Variants in LMOD1 observed in about 807,000 individuals in gnomAD.
LMOD1 encodes the protein leiomodin 1.
LMOD1 carries 8 observed loss-of-function variants against 36.5 expected under a neutral mutation model. That is an observed-to-expected ratio of 0.22 (90% CI 0.13 to 0.40). The LOEUF is 0.40. LMOD1 is among the 10% of genes least tolerant of loss of function. LMOD1 has a pLI of 1.00. For synonymous variants in LMOD1, 284 were observed against 288.7 expected, an observed-to-expected ratio of 0.98 and a Z score of 0.17; for missense variants, 630 against 751.1, an observed-to-expected ratio of 0.84 and a Z score of 1.88.
intron 1 of LMOD1, among the ~76,000 whole-genome samples, chr1:201,913,125 C>T (rs1169375478): frequency 2.6e-5 from 4 of 152,082 alleles, no homozygotes; most frequent in South Asian, 4.1e-4. Flanking sequence ...TGGGACCAGG[C>T]GGGGGACTGA....
chr1:201,933,828 A>C (rs1307835762), intron 1 of LMOD1, among the ~76,000 whole-genome samples: 2 of 152,236 alleles, frequency 1.3e-5, no homozygotes, highest in African/African-American at 4.8e-5. Flanking sequence ...TTGTCAAGTA[A>C]AAATGAAATA....
At chr1:201,925,070 G>A (rs1681804811) in intron 1 of LMOD1, among the ~76,000 whole-genome samples, 1 of 152,080 alleles carries the variant, frequency 6.6e-6, no homozygotes, top group Admixed American at 6.6e-5. Flanking sequence ...GCAAAAATTA[G>A]CCAGCATGGT....
chr1:201,920,994 G>A (rs1681694877), intron 1 of LMOD1, among the ~76,000 whole-genome samples: 2 of 152,182 alleles, frequency 1.3e-5, no homozygotes, highest in African/African-American at 4.8e-5. Context: ...ACATTTCTAG[G>A]GTACAGTTAA....
At chr1:201,933,039 A>T (rs1681953014) in intron 1 of LMOD1, among the ~76,000 whole-genome samples, 1 of 152,188 alleles carries the variant, frequency 6.6e-6, no homozygotes. Flanking sequence ...ACTGGAAACA[A>T]CCCAAATGTC....
At chr1:201,920,436 T>C (rs1681685185) in intron 1 of LMOD1, among the ~76,000 whole-genome samples, 2 of 152,122 alleles carry the variant, frequency 1.3e-5, no homozygotes, top group Admixed American at 1.3e-4. Flanking sequence ...AACTCCTAAA[T>C]GCAGCTCCCT....
rs774539371 is a variant in LMOD1 at position 201,899,340 on chromosome 1, G to A, written c.1673C>T (p.Thr558Ile). 3.8e-6 allele frequency: 6 copies of A among 1,590,612 alleles called. No individual in the cohort carries two copies. The highest frequency in any genetic ancestry group is 1.7e-5 in the Admixed American group (1 of 59,098). ...ENLKNSLSPA[T>I]QRKMGDKVLP... ...GACTTTGTCTCCCATCTTCCTCTGG[G>A]TAGCTGGTGAGAGTGAATTCTTCAG... The change falls in exon 2 of 3, where the codon ACC (threonine) becomes ATC (isoleucine). Residue 558 changes from threonine to isoleucine, a missense_variant. Thr to Ile is a moderately conservative substitution (Grantham distance 89). This residue lies in a region of LMOD1 where 144 missense variants were observed against 169.8 expected (regional missense o/e 0.85). Transcript: ENST00000367288. This position sits in a 1 kb window ranked among gnomAD's most constrained non-coding sequence, Gnocchi z 6.3.
At chr1:201,940,747 C>A (rs1298291616) in intron 1 of LMOD1, among the ~76,000 whole-genome samples, 1 of 113,794 alleles carries the variant, frequency 8.8e-6, no homozygotes, top group African/African-American at 3.1e-5. Flanking sequence ...CCACGCCCAG[C>A]ATTTTTTTTT....
intron 1 of LMOD1, among the ~76,000 whole-genome samples, chr1:201,913,256 A>G (rs1681544166): frequency 6.6e-6 from 1 of 152,180 alleles, no homozygotes; most frequent in Non-Finnish European, 1.5e-5. Context: ...AACTCCCAGA[A>G]CTGTCCTCTG....
At chr1:201,933,102 C>T (rs543039356) in intron 1 of LMOD1, among the ~76,000 whole-genome samples, 121 of 152,208 alleles carry the variant, frequency 7.9e-4, no homozygotes, top group Middle Eastern at 3.4e-3. Context: ...TAGTAAAATG[C>T]TGCATAGCAA....
At chr1:201,924,644 GAA>G (rs1429647347) in intron 1 of LMOD1, among the ~76,000 whole-genome samples, 2 of 91,304 alleles carry the variant, frequency 2.2e-5, no homozygotes, top group African/African-American at 3.4e-5. Flanking sequence ...AATAAAGAAA[GAA>G]AGAGAGAAAG....
At chr1:201,920,476 G>T (rs575943166) in intron 1 of LMOD1, among the ~76,000 whole-genome samples, 44 of 152,266 alleles carry the variant, frequency 2.9e-4, no homozygotes. Context: ...GGAGACACCG[G>T]TTTTTCCTAT....
chr1:201,912,368 C>T (rs1681508779), intron 1 of LMOD1, among the ~76,000 whole-genome samples: 1 of 152,108 alleles, frequency 6.6e-6, no homozygotes, highest in African/African-American at 2.4e-5. Flanking sequence ...CCCTGACCCC[C>T]AAGCCCTTCT....
chr1:201,924,665 A>AG (rs1553297892), intron 1 of LMOD1, among the ~76,000 whole-genome samples: 1 of 130,192 alleles, frequency 7.7e-6, no homozygotes, highest in Non-Finnish European at 1.6e-5. Flanking sequence ...AGAAAGAAAA[A>AG]AAAGAAAGAA....
chr1:201,931,811 A>G (rs1681927998), intron 1 of LMOD1, among the ~76,000 whole-genome samples: 1 of 151,150 alleles, frequency 6.6e-6, no homozygotes, highest in African/African-American at 2.4e-5. Flanking sequence ...CTGAGGTGGG[A>G]TGATCACTTG....
chr1:201,945,175 T>G (rs1382652830), intron 1 of LMOD1, among the ~76,000 whole-genome samples: 1 of 152,146 alleles, frequency 6.6e-6, no homozygotes. Context: ...GAGGCTAGTT[T>G]GTCCAAAGAA....
chr1:201,920,261 T>C (rs1054378181), intron 1 of LMOD1, among the ~76,000 whole-genome samples: 51 of 151,916 alleles, frequency 3.4e-4, no homozygotes, highest in African/African-American at 1.2e-3. Context: ...GGTTTCTCCA[T>C]GTTGGCCAGG....
chr1:201,927,437 G>A (rs1309031199), intron 1 of LMOD1, among the ~76,000 whole-genome samples: 4 of 152,062 alleles, frequency 2.6e-5, no homozygotes, highest in African/African-American at 4.8e-5. Flanking sequence ...GTGGTGGCGT[G>A]TGCCTGTAAT....
In LMOD1 at chr1:201,899,898, T is replaced by C. The variant is rs1259940530; in HGVS notation, c.1115A>G (p.Asp372Gly). The C allele has an allele frequency of 6.2e-7, 1 of 1,613,888 alleles. No homozygotes were observed. Among genetic ancestry groups the C allele is most frequent in the South Asian group, 1.1e-5 (1 of 91,052 alleles). Residue 372 changes from aspartate (D) to glycine (G), a missense_variant, in exon 2 of 3, where the codon GAT (aspartate) becomes GGT (glycine). By Grantham distance (94) the Asp-to-Gly change is moderately conservative. Coordinates refer to ENST00000367288, the MANE Select transcript of LMOD1 (RefSeq NM_012134.3). The surrounding 1 kb of genome is among the most constrained non-coding windows in gnomAD (Gnocchi z 6.3). ...GGCAATGGCAAAGGCCACGTGGTCA[T>C]CGGCTCGCGTGTTGGCCAAGGCGAA... is the stretch of plus-strand genomic sequence containing the variant. ...KLFALANTRA[D>G]DHVAFAIAIM...
intron 1 of LMOD1, among the ~76,000 whole-genome samples, chr1:201,908,628 T>C (rs1681446470): frequency 6.6e-6 from 1 of 152,102 alleles, no homozygotes; most frequent in African/African-American, 2.4e-5. Context: ...GGCCTTCTTG[T>C]GTACTTTCCG....
Sources: allele counts gnomAD v4.1 joint callset (sites outside exome capture counted in the v4.1 genomes callset), GRCh38; gene constraint gnomAD v4.1.1; regional missense constraint gnomAD v4.1.1; non-coding constraint Gnocchi (gnomAD v3.1); transcripts MANE v1.5; gene names NCBI Gene and HGNC (gene_info 2026-07-23, HGNC 2026-07-21).